LPAR4: variants seen among roughly 807,000 people sequenced by gnomAD.
The protein encoded by LPAR4 is G-protein coupled receptor 23.
Under a neutral mutation model 9.2 loss-of-function variants are expected in LPAR4, and 14 were observed. The ratio of observed to expected loss-of-function variants is 1.51; its 90% CI spans 1.00 to 2.37. The LOEUF is 2.37. Ranked by LOEUF, LPAR4 falls within the 30% of genes most tolerant of loss-of-function variation. LPAR4 has a pLI of 0.00. For missense variants in LPAR4, 251 were observed against 272.1 expected (o/e 0.92, Z 0.55); for synonymous variants, 131 against 97.9 (o/e 1.34, Z -1.99).
chrX:78,756,726 T>G lies in LPAR4; in HGVS notation c.*744T>G, dbSNP rs1208810023. 2 of 122,208 alleles carry G rather than the reference T, an allele frequency of 1.6e-5. No individual in the cohort carries two copies. Among genetic ancestry groups the G allele is most frequent in the African/African-American group, 6.5e-5 (2 of 30,563 alleles). 10.1% of individuals were successfully genotyped at this position (122,208 alleles called of 1,213,427 possible). On this transcript the variant is annotated 3_prime_UTR_variant, in exon 5 of 5. Transcript: ENST00000614823. ...GAAAATTACTTAAAACAGGAAAGTG[T>G]CAATAAAAAAACTTGAGCAACACCA...
chrX:78,751,906 C>A (rs1925078855), intron 4 of LPAR4, among the ~76,000 whole-genome samples: 1 of 110,678 alleles, frequency 9.0e-6, no homozygotes, highest in African/African-American at 3.3e-5. Flanking sequence ...ATCTTTGGCC[C>A]CATCATGTTG....
chrX:78,751,660 A>G (rs1255908609), intron 4 of LPAR4, among the ~76,000 whole-genome samples: 1 of 111,355 alleles, frequency 9.0e-6, no homozygotes, highest in Non-Finnish European at 1.9e-5. Context: ...CTGTTCAAAT[A>G]TATGGAATAA....
At chrX:78,748,800 C>T (rs1457425440) in intron 1 of LPAR4, among the ~76,000 whole-genome samples, 3 of 111,723 alleles carry the variant, frequency 2.7e-5, no homozygotes, top group Non-Finnish European at 5.6e-5. Flanking sequence ...TGCTACCTTA[C>T]AAAATTATAC....
intron 1 of LPAR4, among the ~76,000 whole-genome samples, chrX:78,748,292 C>G (rs1343865825): frequency 1.8e-5 from 2 of 112,335 alleles, no homozygotes; most frequent in Admixed American, 9.4e-5. Context: ...TTCTAAAGAG[C>G]TAATTTAAAA....
rs1450486469 is a variant in LPAR4, at chrX:78,758,214, T to C, written c.*2232T>C. 1.8e-5 allele frequency among the ~76,000 whole-genome samples: 2 copies of C among 111,983 alleles called. No homozygotes were observed. The highest frequency in any genetic ancestry group is 3.8e-5 in the Non-Finnish European group (2 of 53,027). ...GCTATAGATGGAATATATAAGGCATTAGATTCAGTTAAATAAAATTAGGTT... is the reference window on the plus strand; with the variant it reads ...GCTATAGATGGAATATATAAGGCATCAGATTCAGTTAAATAAAATTAGGTT... On this transcript the variant is annotated 3_prime_UTR_variant, in exon 5 of 5. Coordinates refer to ENST00000614823, the MANE Select transcript of LPAR4 (RefSeq NM_001278000.3).
rs1158198445 is a variant in LPAR4 at position 78,757,558 on chromosome X, A to ACTC, written c.*1577_*1579dup. Among the ~76,000 whole-genome samples the ACTC allele has an allele frequency of 9.0e-6, 1 of 111,456 alleles. No individual in the cohort carries two copies. Among genetic ancestry groups the ACTC allele is most frequent in the African/African-American group, 3.3e-5 (1 of 30,735 alleles). ...TACTTAAACCGCAAAAATCTTTAAAACTCTTACTAGTTTTTAAACTAAAGT... is the reference window on the plus strand; with the variant it reads ...TACTTAAACCGCAAAAATCTTTAAAACTCCTCTTACTAGTTTTTAAACTAAAGT... On this transcript the variant is annotated 3_prime_UTR_variant, in exon 5 of 5. Coordinates refer to ENST00000614823, the MANE Select transcript of LPAR4 (RefSeq NM_001278000.3).
intron 1 of LPAR4, among the ~76,000 whole-genome samples, 198 bp downstream of exon 1, chrX:78,748,232 G>A (rs898130307): frequency 1.3e-4 from 15 of 112,092 alleles, no homozygotes; most frequent in African/African-American, 4.9e-4. Context: ...TATTGTTTCC[G>A]TGGAAGACAT....
At chrX:78,753,890 T>A (rs147718789) in intron 4 of LPAR4, among the ~76,000 whole-genome samples, 3,209 of 111,756 alleles carry the variant, frequency 0.029, 43 homozygotes, top group South Asian at 0.054. Flanking sequence ...ATGGGAGCTA[T>A]GAATAGGGCC....
rs1165079223 is a variant in LPAR4 at position 78,757,237 on chromosome X, T to C, written c.*1255T>C. On this transcript the variant is annotated 3_prime_UTR_variant, in exon 5 of 5. Coordinates refer to ENST00000614823, the MANE Select transcript of LPAR4 (RefSeq NM_001278000.3). ...ATGTAAAAATACTATGTCATTTGCA[T>C]AACATTTTGAAGCACAACGCAGCTA... is the stretch of plus-strand genomic sequence containing the variant. The C allele has an allele frequency of 1.7e-5, 2 of 115,234 alleles. No homozygotes were observed. The highest frequency in any genetic ancestry group is 3.8e-5 in the Non-Finnish European group (2 of 53,087). 9.5% of individuals were successfully genotyped at this position (115,234 alleles called of 1,213,427 possible).
Position 78,757,307 on chromosome X carries a change from AAAAAAGGTC to A in LPAR4, c.*1331_*1339del, listed in dbSNP as rs1387507379. 2.7e-5 allele frequency among the ~76,000 whole-genome samples: 3 copies of A among 111,225 alleles called. No individual in the cohort carries two copies. The highest frequency in any genetic ancestry group is 5.7e-5 in the Non-Finnish European group (3 of 52,844). On this transcript the variant is annotated 3_prime_UTR_variant, in exon 5 of 5. Coordinates refer to ENST00000614823, the MANE Select transcript of LPAR4 (RefSeq NM_001278000.3). ...TCCTGGTTAGGAACAAGTTGTGGGA[AAAAAAGGTC>A]AAAAATCAAACTGCGATAAAACAAA...
chrX:78,755,695 C>T lies in LPAR4; in HGVS notation c.826C>T (p.Arg276Cys), dbSNP rs921696394. The T allele has an allele frequency of 5.0e-6, 6 of 1,207,627 alleles. No homozygotes were observed. Among genetic ancestry groups the T allele is most frequent in the African/African-American group, 3.5e-5 (2 of 56,971 alleles). The change falls in exon 5 of 5, where the codon CGC becomes TGC. Residue 276 changes from arginine (R) to cysteine (C), a missense_variant. Physicochemically the swap from Arg to Cys is radical, Grantham distance 180. Transcript: ENST00000614823. ...TGTCCTCTTCTTGTATGCCCTGGTGCGCTCCCAAGCTATTACTAATTGCTT... is the reference window on the plus strand; with the variant it reads ...TGTCCTCTTCTTGTATGCCCTGGTGTGCTCCCAAGCTATTACTAATTGCTT... ...NSVLFLYALV[R>C]SQAITNCFLE...
At position 78,757,519 on chromosome X, in the gene LPAR4, AT is replaced by A. The variant is rs1205008121; in HGVS notation, c.*1544del. Among the ~76,000 whole-genome samples the A allele has an allele frequency of 2.7e-5, 3 of 111,774 alleles. No homozygotes were observed. The highest frequency in any genetic ancestry group is 5.7e-5 in the Non-Finnish European group (3 of 53,005). ...TTTAAAATCTACAAAAAAAGAGAAA[AT>A]TTTTTTATAATTTACTTAAACCGCA... On this transcript the variant is annotated 3_prime_UTR_variant, in exon 5 of 5. Coordinates refer to ENST00000614823, the MANE Select transcript of LPAR4 (RefSeq NM_001278000.3).
rs1209176829 is a variant in LPAR4, at chrX:78,748,975, A to C, written c.-295+941A>C. On this transcript the variant is annotated intron_variant, in intron 1 of 4. Transcript: ENST00000614823. ...TGCCTTGTCACAGATGAAAAGTTGC[A>C]CTCTTGCCAAGAAGGATGAGTTCAC... 3.6e-5 allele frequency: 4 copies of C among 111,381 alleles called. No homozygotes were observed. In the East Asian group the frequency reaches 1.1e-3, roughly 31 times the overall value. The allele number at this position is 111,381 out of a possible 1,213,427, so 9.2% of individuals were successfully genotyped here.
chrX:78,750,846 G>A (rs773791661), intron 3 of LPAR4, 54 bp downstream of exon 3: 6 of 110,676 alleles, frequency 5.4e-5, no homozygotes, highest in Admixed American at 9.6e-5. Flanking sequence ...TTAATGTAAT[G>A]CATTACCTTA....
chrX:78,749,042 C>T, intron 1 of LPAR4: 1 of 111,517 alleles, frequency 9.0e-6, no homozygotes, highest in Non-Finnish European at 1.9e-5. Context: ...GTCTCTCCTG[C>T]CAATCAGAGA....
At chrX:78,750,446 C>A in intron 2 of LPAR4, among the ~76,000 whole-genome samples, 1 of 111,555 alleles carries the variant, frequency 9.0e-6, no homozygotes, top group South Asian at 3.7e-4. Flanking sequence ...ATTCTAAATG[C>A]GGTTGCTACT....
Position 78,747,919 on chromosome X carries a change from A to AAAAAAAC in LPAR4, c.-404_-403insCAAAAAA, listed in dbSNP as rs1569555815. ...GTAAAAAAAAAAAAAAAAAAAAAAA[A>AAAAAAAC]AAAAAAATGGATAAAAATATGCACT... On this transcript the variant is annotated 5_prime_UTR_variant, in exon 1 of 5. Coordinates refer to ENST00000614823, the MANE Select transcript of LPAR4 (RefSeq NM_001278000.3). The AAAAAAAC allele has an allele frequency of 1.1e-4, 12 of 104,515 alleles. No homozygotes were observed. Among genetic ancestry groups the AAAAAAAC allele is most frequent in the African/African-American group, 4.2e-4 (12 of 28,865 alleles). 8.6% of individuals were successfully genotyped at this position (104,515 alleles called of 1,213,427 possible).
At position 78,750,756 on chromosome X, in the gene LPAR4, G is replaced by A. The variant is rs377200344; in HGVS notation, c.-218G>A. On this transcript the variant is annotated 5_prime_UTR_variant, in exon 3 of 5. Transcript: ENST00000614823. ...ACCCTGCCCAATGGTAACAGTTGTT[G>A]CCAAGAAAAGAAAAAAAGAAAAAAA... 153 of 108,332 alleles carry A rather than the reference G, an allele frequency of 1.4e-3. No individual in the cohort carries two copies. Among genetic ancestry groups the A allele is most frequent in the African/African-American group, 3.6e-3 (106 of 29,679 alleles). 8.9% of individuals were successfully genotyped at this position (108,332 alleles called of 1,213,427 possible).
Position 78,755,397 on chromosome X carries a change from T to C in LPAR4, c.528T>C (p.Phe176=). Residue 176 remains phenylalanine, a synonymous_variant, in exon 5 of 5, where the codon TTT becomes TTC. Transcript: ENST00000614823. ...VLSGGISASL[F]STTNVNNATT... is the part of the protein sequence containing the mutation. Reference sequence around the variant, plus strand: ...GTGGCGGTATTTCAGCCTCTTTGTTTTCCACCACTAATGTCAACAATGCAA... The same window carrying C: ...GTGGCGGTATTTCAGCCTCTTTGTTCTCCACCACTAATGTCAACAATGCAA... The C allele has an allele frequency of 8.3e-7, 1 of 1,210,745 alleles. No individual in the cohort carries two copies. Among genetic ancestry groups the C allele is most frequent in the South Asian group, 1.8e-5 (1 of 56,934 alleles).
Sources: gnomAD v4.1 joint callset for allele counts (sites outside exome capture counted in the v4.1 genomes callset) on GRCh38, gnomAD v4.1.1 for gene constraint, MANE v1.5 for transcripts, NCBI Gene and HGNC (gene_info 2026-07-23, HGNC 2026-07-21) for gene names.